STRIP2: variants seen among roughly 807,000 people sequenced by gnomAD.
The protein encoded by STRIP2 is striatin-interacting protein 2.
A neutral mutation model predicts 107.1 loss-of-function variants in STRIP2; 84 were observed. The ratio of observed to expected loss-of-function variants is 0.78; its 90% CI spans 0.66 to 0.94. STRIP2 has a LOEUF of 0.94. Among genes scored for constraint, STRIP2 ranks in the 40% least tolerant of loss-of-function variants. The probability of loss-of-function intolerance (pLI) is 0.00; values close to 1 mark genes in which losing one functional copy is unlikely to be tolerated. For synonymous variants in STRIP2, 394 were observed against 400.4 expected (o/e 0.98, Z 0.19); for missense variants, 888 against 1,034.2 (o/e 0.86, Z 1.94).
At chr7:129,464,587 C>T (rs1562909406) in intron 15 of STRIP2, 25 bp from the exon 16 acceptor site, 1 of 1,613,676 alleles carries the variant, frequency 6.2e-7, no homozygotes, top group Non-Finnish European at 8.5e-7. Flanking sequence ...ACTCTCTGCA[C>T]TAATACCTTC....
At chr7:129,459,009 T>G (rs923483969) in intron 11 of STRIP2, among the ~76,000 whole-genome samples, 6 of 152,242 alleles carry the variant, frequency 3.9e-5, no homozygotes, top group African/African-American at 1.2e-4. Flanking sequence ...TGTAGGACTT[T>G]GAGCAACAAG....
rs1239038224 is a variant in STRIP2 at position 129,483,247 on chromosome 7, A to G, written c.2254+201A>G. The G allele has an allele frequency of 1.6e-6, 2 of 1,265,448 alleles. No individual in the cohort carries two copies. Among genetic ancestry groups the G allele is most frequent in the Admixed American group, 7.4e-5 (2 of 27,184 alleles). The allele number at this position is 1,265,448 out of a possible 1,614,324, so 78.4% of individuals were successfully genotyped here. ...TATGTACCCTTGTCCTATGTAAACT[A>G]TGAAAATCCGTTTTATAAAACAAGT... is the stretch of plus-strand genomic sequence containing the variant. On this transcript the variant is annotated intron_variant, in intron 20 of 20. Transcript: ENST00000249344. The surrounding 1 kb of genome is among the most constrained non-coding windows in gnomAD (Gnocchi z 5.1).
chr7:129,462,799 T>A (rs1479406680), intron 13 of STRIP2, among the ~76,000 whole-genome samples, 167 bp from the exon 14 acceptor site: 2 of 152,134 alleles, frequency 1.3e-5, no homozygotes, highest in Non-Finnish European at 2.9e-5. Context: ...AGAAAAGGAA[T>A]GTGACTTAAC....
At chr7:129,440,146 G>C in intron 2 of STRIP2, 55 bp downstream of exon 2, 40 of 1,416,494 alleles carry the variant, frequency 2.8e-5, no homozygotes, top group Non-Finnish European at 3.8e-5. Flanking sequence ...GGAGAGGGAA[G>C]GGGCCTGTGA....
intron 9 of STRIP2, among the ~76,000 whole-genome samples, chr7:129,457,372 A>G (rs1265622403): frequency 6.6e-6 from 1 of 152,254 alleles, no homozygotes; most frequent in Non-Finnish European, 1.5e-5. Context: ...GAAAAGGCCA[A>G]TAAAAATACA....
rs528985590 is a variant in STRIP2, at chr7:129,480,410, A to T, written c.1945-375A>T. 1.4e-4 allele frequency among the ~76,000 whole-genome samples: 22 copies of T among 152,336 alleles called. No homozygotes were observed. The East Asian group carries it at 4.0e-3, about 28-fold the overall frequency. ...ATAGTTTAAAATCTACCAGAATTAG[A>T]CCTAATCCTAACAATTACAAACATA... is the stretch of plus-strand genomic sequence containing the variant. On this transcript the variant is annotated intron_variant, in intron 18 of 20. Transcript: ENST00000249344.
intron 3 of STRIP2, among the ~76,000 whole-genome samples, chr7:129,449,589 G>T (rs777227243): frequency 6.6e-6 from 1 of 152,140 alleles, no homozygotes; most frequent in Non-Finnish European, 1.5e-5. Context: ...GGCAAAAAAG[G>T]TTCATCAGAG....
chr7:129,464,841 C>T, intron 16 of STRIP2, 103 bp downstream of exon 16: 2 of 1,477,428 alleles, frequency 1.4e-6, no homozygotes, highest in Non-Finnish European at 1.9e-6. Flanking sequence ...GAGCATCTTT[C>T]AGCCTTTTCT....
Position 129,464,690 on chromosome 7 carries a change from C to A in STRIP2, c.1728C>A (p.Thr576=). 1.2e-6 allele frequency: 2 copies of A among 1,614,086 alleles called. No individual in the cohort carries two copies. The highest frequency in any genetic ancestry group is 8.5e-7 in the Non-Finnish European group (1 of 1,179,986). The change falls in exon 16 of 21, where the codon ACC becomes ACA. Residue 576 remains threonine, a synonymous_variant. Coordinates refer to ENST00000249344, the MANE Select transcript of STRIP2 (RefSeq NM_020704.3). ...AGATTATTGTAAAGAGTATCTCTAC[C>A]CTGCTTCTGCTACTCCTCAAACACT... ...HKEIIVKSIS[T]LLLLLLKHFK...
intron 3 of STRIP2, among the ~76,000 whole-genome samples, chr7:129,450,031 G>A (rs1004682996): frequency 6.6e-6 from 1 of 152,176 alleles, no homozygotes; most frequent in Admixed American, 6.5e-5. Flanking sequence ...GGTGAATCAG[G>A]AATGTCAAAT....
chr7:129,439,320 G>T (rs1411669502), intron 1 of STRIP2, among the ~76,000 whole-genome samples: 1 of 152,168 alleles, frequency 6.6e-6, no homozygotes, highest in African/African-American at 2.4e-5. Context: ...AGGTTAACTT[G>T]TCCAAGATCA....
intron 1 of STRIP2, 57 bp downstream of exon 1, chr7:129,434,658 G>T: frequency 7.0e-7 from 1 of 1,422,914 alleles, no homozygotes; most frequent in Non-Finnish European, 9.2e-7. Context: ...GCGGGAAGCG[G>T]CGGCTGAGGT....
At chr7:129,441,668 C>T (rs926864411) in intron 2 of STRIP2, among the ~76,000 whole-genome samples, 6 of 152,200 alleles carry the variant, frequency 3.9e-5, no homozygotes, top group Non-Finnish European at 8.8e-5. Context: ...TCAAGTGATC[C>T]TCCCACCCCA....
intron 12 of STRIP2, among the ~76,000 whole-genome samples, chr7:129,459,806 T>A (rs369809618): frequency 1.3e-5 from 2 of 152,226 alleles, no homozygotes; most frequent in African/African-American, 4.8e-5. Context: ...CTCTCATTTC[T>A]TTTTCCTCTT....
In STRIP2 at chr7:129,456,520, G is replaced by A; in HGVS notation, c.916G>A (p.Asp306Asn). 1.2e-6 allele frequency: 2 copies of A among 1,614,080 alleles called. No individual in the cohort carries two copies. The highest frequency in any genetic ancestry group is 1.7e-6 in the Non-Finnish European group (2 of 1,180,020). Residue 306 changes from aspartate (D) to asparagine (N), a missense_variant, in exon 9 of 21, where the codon GAC (aspartate) becomes AAC (asparagine). Transcript: ENST00000249344. ...AELGLPPLAE[D>N]SIQVVKSMRA... ...ATTGGGCCTGCCTCCACTGGCTGAAGACAGTATCCAGGTGGTGAAGAGCAT... is the reference window on the plus strand; with the variant it reads ...ATTGGGCCTGCCTCCACTGGCTGAAAACAGTATCCAGGTGGTGAAGAGCAT...
chr7:129,460,790 T>A (rs1236411605), intron 13 of STRIP2, among the ~76,000 whole-genome samples: 1 of 152,036 alleles, frequency 6.6e-6, no homozygotes, highest in Non-Finnish European at 1.5e-5. Flanking sequence ...CTTAAGAGTG[T>A]CAGAGGTAGT....
chr7:129,468,061 A>G (rs1798711842), intron 17 of STRIP2, among the ~76,000 whole-genome samples: 1 of 152,208 alleles, frequency 6.6e-6, no homozygotes, highest in East Asian at 1.9e-4. Context: ...CATCAGAGGC[A>G]GGATCAGAAC....
intron 3 of STRIP2, among the ~76,000 whole-genome samples, chr7:129,449,356 A>T (rs1373086122): frequency 6.6e-6 from 1 of 152,190 alleles, no homozygotes; most frequent in Non-Finnish European, 1.5e-5. Context: ...GCCTGCCAGG[A>T]CTTTCGTCTA....
intron 20 of STRIP2, chr7:129,484,375 A>G (rs996302300): frequency 6.6e-6 from 1 of 152,018 alleles, no homozygotes; most frequent in African/African-American, 2.4e-5. Context: ...GAGCTTTTTT[A>G]TTGTTTTGTA....
Sources: allele counts gnomAD v4.1 joint callset (sites outside exome capture counted in the v4.1 genomes callset), GRCh38; gene constraint gnomAD v4.1.1; non-coding constraint Gnocchi (gnomAD v3.1); transcripts MANE v1.5; gene names NCBI Gene and HGNC (gene_info 2026-07-23, HGNC 2026-07-21).